NFKB1: variants seen among roughly 807,000 people sequenced by gnomAD.
The protein encoded by NFKB1 is nuclear factor kappa B subunit 1, also known as nuclear factor NF-kappa-B p105 subunit.
In NFKB1, 9 loss-of-function variants were observed where a neutral mutation model predicts 105.1. The observed-to-expected ratio is 0.09, with a 90% confidence interval of 0.05 to 0.15. The LOEUF is 0.15. NFKB1 is among the 10% of genes least tolerant of loss of function. NFKB1 has a pLI of 1.00. For synonymous variants in NFKB1, 440 were observed against 442.2 expected (o/e 1.00, Z 0.06); for missense variants, 830 against 1,203.7 (o/e 0.69, Z 4.59).
intron 1 of NFKB1, among the ~76,000 whole-genome samples, chr4:102,512,880 A>G (rs1739873831): frequency 1.3e-5 from 2 of 152,230 alleles, no homozygotes; most frequent in South Asian, 2.1e-4. Flanking sequence ...CATAAAGGAC[A>G]TATTTTTATG....
intron 19 of NFKB1, among the ~76,000 whole-genome samples, chr4:102,608,379 C>G (rs1160164867): frequency 1.3e-5 from 2 of 152,188 alleles, no homozygotes; most frequent in African/African-American, 4.8e-5. Context: ...AGAGAGACTA[C>G]CAGATCCCAC....
intron 16 of NFKB1, among the ~76,000 whole-genome samples, chr4:102,604,527 A>G (rs565181566): frequency 3.9e-5 from 6 of 152,062 alleles, no homozygotes; most frequent in African/African-American, 1.4e-4. Context: ...TTCTTTGTGC[A>G]TATATTTTTT....
At chr4:102,601,047 CTG>C (rs1727103098) in intron 16 of NFKB1, 38 bp downstream of exon 16, 2 of 1,259,680 alleles carry the variant, frequency 1.6e-6, no homozygotes, top group Admixed American at 4.1e-5. Context: ...GAAGAAAAAT[CTG>C]TAGTTTACTT....
intron 5 of NFKB1, among the ~76,000 whole-genome samples, chr4:102,547,101 C>A (rs371782376): frequency 1.3e-5 from 2 of 152,098 alleles, no homozygotes; most frequent in East Asian, 3.9e-4. Context: ...TAAGAACTGG[C>A]AGAACAATGA....
intron 1 of NFKB1, among the ~76,000 whole-genome samples, chr4:102,521,107 A>T (rs1740543722): frequency 6.6e-6 from 1 of 152,214 alleles, no homozygotes; most frequent in Admixed American, 6.5e-5. Flanking sequence ...TCTGTTATCA[A>T]AGGACATACA....
intron 5 of NFKB1, among the ~76,000 whole-genome samples, chr4:102,561,741 G>A (rs765271764): frequency 1.9e-4 from 29 of 152,234 alleles, no homozygotes; most frequent in Admixed American, 3.3e-4. Context: ...GACCCCACAG[G>A]GCTGTTGTGG....
At chr4:102,549,531 T>G (rs1381957358) in intron 5 of NFKB1, among the ~76,000 whole-genome samples, 1 of 151,154 alleles carries the variant, frequency 6.6e-6, no homozygotes, top group Non-Finnish European at 1.5e-5. Context: ...AGTTTCATGG[T>G]GTTGAGTTAT....
rs1473283013 is a variant in NFKB1 at position 102,593,557 on chromosome 4, G to A, written c.1199G>A (p.Ser400Asn). 6.2e-7 allele frequency: 1 copy of A among 1,612,930 alleles called. No homozygotes were observed. The highest frequency in any genetic ancestry group is 1.3e-5 in the African/African-American group (1 of 74,836). The change falls in exon 12 of 24, where the codon AGT becomes AAT. Residue 400 changes from serine (S) to asparagine (N), a missense_variant. By Grantham distance (46) the Ser-to-Asn change is conservative. Coordinates refer to ENST00000226574, the MANE Select transcript of NFKB1 (RefSeq NM_003998.4). ...GSGGGGGGTG[S>N]TGPGYSFPHY... ...GGCGGTGGAGGAGGGGGCACTGGAA[G>A]TACAGGTCCAGGTACAAAAATACTT...
At chr4:102,502,386 GCGCGCACACA>G (rs1324040502) in intron 1 of NFKB1, among the ~76,000 whole-genome samples, 2 of 102,116 alleles carry the variant, frequency 2.0e-5, no homozygotes, top group African/African-American at 6.4e-5. Flanking sequence ...GCGCGCGCGC[GCGCGCACACA>G]CACACACACA....
At chr4:102,575,033 G>A (rs1446591164) in intron 6 of NFKB1, among the ~76,000 whole-genome samples, 1 of 152,114 alleles carries the variant, frequency 6.6e-6, no homozygotes, top group African/African-American at 2.4e-5. Context: ...AGGCTGAAAG[G>A]GCCAAAAGAT....
At chr4:102,568,323 A>G (rs1724044746) in intron 6 of NFKB1, among the ~76,000 whole-genome samples, 1 of 152,140 alleles carries the variant, frequency 6.6e-6, no homozygotes, top group African/African-American at 2.4e-5. Flanking sequence ...GAAGAAGCTT[A>G]AATTGATTTG....
chr4:102,530,188 C>A (rs779516139), intron 3 of NFKB1, among the ~76,000 whole-genome samples: 5 of 152,118 alleles, frequency 3.3e-5, no homozygotes, highest in Non-Finnish European at 4.4e-5. Flanking sequence ...TCTTTATTAT[C>A]TCTGTATTCC....
chr4:102,609,611 C>CAGA (rs1728201247), intron 19 of NFKB1, among the ~76,000 whole-genome samples: 3 of 64,262 alleles, frequency 4.7e-5, no homozygotes, highest in Admixed American at 1.9e-4. Context: ...GACTCCATCT[C>CAGA]AAAAAAAAAA....
chr4:102,570,279 T>C (rs974677148), intron 6 of NFKB1, among the ~76,000 whole-genome samples: 8 of 152,210 alleles, frequency 5.3e-5, no homozygotes, highest in Non-Finnish European at 1.2e-4. Context: ...TCTCATCATT[T>C]AGCTCCCACT....
At chr4:102,518,268 C>T (rs1598857) in intron 1 of NFKB1, among the ~76,000 whole-genome samples, 59,942 of 151,926 alleles carry the variant, frequency 0.39, 11,982 homozygotes, top group Admixed American at 0.47. Flanking sequence ...GGTATCACTG[C>T]TTAAAGCTAA....
chr4:102,573,308 C>CA (rs957997459), intron 6 of NFKB1, among the ~76,000 whole-genome samples: 23 of 150,594 alleles, frequency 1.5e-4, no homozygotes, highest in Non-Finnish European at 2.4e-4. Flanking sequence ...AACTCCGTCT[C>CA]AAAAAAAAAG....
chr4:102,584,477 G>T (rs1374644187), intron 10 of NFKB1, among the ~76,000 whole-genome samples: 1 of 152,194 alleles, frequency 6.6e-6, no homozygotes. Flanking sequence ...ATTGTATTTT[G>T]ATTTTACAGT....
Position 102,593,490 on chromosome 4 carries a change from G to T in NFKB1, c.1132G>T (p.Gly378Cys). 1 of 1,613,706 alleles carries T rather than the reference G, an allele frequency of 6.2e-7. No individual in the cohort carries two copies. The highest frequency in any genetic ancestry group is 8.5e-7 in the Non-Finnish European group (1 of 1,179,724). Reference protein sequence around the residue: ...MPNFSDSFGGGSGAGAGGGGM... With the variant: ...MPNFSDSFGGCSGAGAGGGGM... Reference sequence around the variant, plus strand: ...CAATTTTTCGGATAGTTTCGGCGGTGGTAGTGGTGCTGGAGCTGGAGGCGG... The same window carrying T: ...CAATTTTTCGGATAGTTTCGGCGGTTGTAGTGGTGCTGGAGCTGGAGGCGG... Residue 378 changes from glycine (G) to cysteine (C), a missense_variant, in exon 12 of 24, where the codon GGT becomes TGT. By Grantham distance (159) the Gly-to-Cys change is radical. Coordinates refer to ENST00000226574, the MANE Select transcript of NFKB1 (RefSeq NM_003998.4).
chr4:102,544,632 T>C (rs1721990110), intron 5 of NFKB1, among the ~76,000 whole-genome samples: 1 of 152,172 alleles, frequency 6.6e-6, no homozygotes, highest in Admixed American at 6.5e-5. Flanking sequence ...TTGTTGCAAG[T>C]AGTTCAGAAG....
Sources: allele counts gnomAD v4.1 joint callset (sites outside exome capture counted in the v4.1 genomes callset), GRCh38; gene constraint gnomAD v4.1.1; transcripts MANE v1.5; gene names NCBI Gene and HGNC (gene_info 2026-07-23, HGNC 2026-07-21).